The following NMNAT2 variants were observed in gnomAD, a reference collection of about 807,000 sequenced individuals.
NMNAT2 encodes nicotinamide/nicotinic acid mononucleotide adenylyltransferase 2.
NMNAT2 carries 11 observed loss-of-function variants against 41.6 expected under a neutral mutation model. The ratio of observed to expected loss-of-function variants is 0.26; its 90% CI spans 0.17 to 0.44. The LOEUF (loss-of-function observed/expected upper bound fraction) is 0.44, where lower values mean the gene tolerates loss of function less well. NMNAT2 is among the 20% of genes least tolerant of loss of function. The probability of loss-of-function intolerance (pLI) is 1.00; values close to 1 mark genes in which losing one functional copy is unlikely to be tolerated. For synonymous variants in NMNAT2, 148 were observed against 151.2 expected (o/e 0.98, Z 0.16); for missense variants, 288 against 407.7 (o/e 0.71, Z 2.53).
chr1:183,266,107 A>G (rs1016613792), intron 8 of NMNAT2, among the ~76,000 whole-genome samples: 2 of 152,194 alleles, frequency 1.3e-5, no homozygotes, highest in African/African-American at 4.8e-5. Context: ...TGGCCTTGCC[A>G]ACAACTTGGT....
chr1:183,280,287 A>G (rs1369444577), intron 7 of NMNAT2, among the ~76,000 whole-genome samples: 1 of 152,210 alleles, frequency 6.6e-6, no homozygotes, highest in Non-Finnish European at 1.5e-5. Context: ...CTGACTGCCT[A>G]TAAGTTCAGT....
At chr1:183,386,767 T>C (rs1230801263) in intron 1 of NMNAT2, among the ~76,000 whole-genome samples, 3 of 152,112 alleles carry the variant, frequency 2.0e-5, no homozygotes, top group South Asian at 4.1e-4. Flanking sequence ...TATATAGTTA[T>C]GTTGTGGAGC....
chr1:183,323,827 A>G (rs1662405063), intron 1 of NMNAT2, among the ~76,000 whole-genome samples: 1 of 152,240 alleles, frequency 6.6e-6, no homozygotes, highest in Non-Finnish European at 1.5e-5. Flanking sequence ...AGGAAAGAAT[A>G]TCTTAGGATT....
chr1:183,253,688 A>C (rs1485518255), intron 10 of NMNAT2, among the ~76,000 whole-genome samples: 4 of 151,462 alleles, frequency 2.6e-5, no homozygotes, highest in Non-Finnish European at 5.9e-5. Flanking sequence ...GTATCCTTTG[A>C]TCTATATCTC....
chr1:183,346,540 T>C (rs1295715572), intron 1 of NMNAT2, among the ~76,000 whole-genome samples: 1 of 152,186 alleles, frequency 6.6e-6, no homozygotes, highest in African/African-American at 2.4e-5. Flanking sequence ...AAGCTGTTGA[T>C]CTGACCTTCC....
chr1:183,367,888 G>T (rs1280817551), intron 1 of NMNAT2, among the ~76,000 whole-genome samples: 1 of 152,110 alleles, frequency 6.6e-6, no homozygotes, highest in Non-Finnish European at 1.5e-5. Flanking sequence ...GATACCAGAG[G>T]TCTAGAGCAA....
At chr1:183,296,815 C>G (rs1396741542) in intron 1 of NMNAT2, among the ~76,000 whole-genome samples, 1 of 152,072 alleles carries the variant, frequency 6.6e-6, no homozygotes, top group Non-Finnish European at 1.5e-5. Context: ...CACCCAGCCC[C>G]ATATTTGCTT....
chr1:183,345,023 C>T (rs1216703286), intron 1 of NMNAT2, among the ~76,000 whole-genome samples: 1 of 152,200 alleles, frequency 6.6e-6, no homozygotes, highest in Non-Finnish European at 1.5e-5. Flanking sequence ...AACTGCTCTT[C>T]CAAGGACCCC....
intron 8 of NMNAT2, among the ~76,000 whole-genome samples, chr1:183,270,293 C>T (rs1571563132): frequency 1.3e-5 from 2 of 152,222 alleles, no homozygotes; most frequent in South Asian, 2.1e-4. Context: ...CTGTATCACC[C>T]TTAGAGTATT....
chr1:183,333,820 T>C (rs1326533383), intron 1 of NMNAT2, among the ~76,000 whole-genome samples: 1 of 152,226 alleles, frequency 6.6e-6, no homozygotes, highest in Non-Finnish European at 1.5e-5. Flanking sequence ...TCACAGATAA[T>C]CTGCTGCTGG....
At chr1:183,358,982 G>A (rs1457721674) in intron 1 of NMNAT2, among the ~76,000 whole-genome samples, 2 of 152,112 alleles carry the variant, frequency 1.3e-5, no homozygotes, top group African/African-American at 2.4e-5. Context: ...GAGCAGATAC[G>A]CCAACAGAAA....
chr1:183,322,496 T>G (rs1451715722), intron 1 of NMNAT2, among the ~76,000 whole-genome samples: 1 of 152,162 alleles, frequency 6.6e-6, no homozygotes, highest in African/African-American at 2.4e-5. Flanking sequence ...CCCATCCAGC[T>G]GGGCAGATTA....
intron 1 of NMNAT2, among the ~76,000 whole-genome samples, chr1:183,303,412 T>C (rs1661915409): frequency 6.6e-6 from 1 of 152,202 alleles, no homozygotes; most frequent in Non-Finnish European, 1.5e-5. Context: ...ACTGTGTAAG[T>C]TGTTAGGTGA....
intron 1 of NMNAT2, among the ~76,000 whole-genome samples, chr1:183,357,398 T>G (rs1663218587): frequency 6.6e-6 from 1 of 150,694 alleles, no homozygotes; most frequent in South Asian, 2.1e-4. Flanking sequence ...CCCGGCTAAT[T>G]TTTTGTATTT....
At chr1:183,411,992 A>G (rs1191750121) in intron 1 of NMNAT2, among the ~76,000 whole-genome samples, 1 of 152,150 alleles carries the variant, frequency 6.6e-6, no homozygotes, top group Non-Finnish European at 1.5e-5. Flanking sequence ...ATTCAGCACA[A>G]AGACTCTAAG....
At chr1:183,330,552 G>A (rs773170525) in intron 1 of NMNAT2, among the ~76,000 whole-genome samples, 3 of 152,146 alleles carry the variant, frequency 2.0e-5, no homozygotes, top group Non-Finnish European at 4.4e-5. Flanking sequence ...GCCTTCACTA[G>A]GTGAGAACAT....
chr1:183,309,324 T>C (rs998432411), intron 1 of NMNAT2, among the ~76,000 whole-genome samples: 1 of 152,056 alleles, frequency 6.6e-6, no homozygotes, highest in Non-Finnish European at 1.5e-5. Context: ...AGCAGCAGAG[T>C]GATCTGAGTT....
intron 1 of NMNAT2, among the ~76,000 whole-genome samples, chr1:183,336,672 C>G (rs1419701941): frequency 5.9e-5 from 9 of 152,162 alleles, no homozygotes; most frequent in African/African-American, 2.2e-4. Context: ...CAAAGTTAAA[C>G]AAACACCAGA....
At chr1:183,278,516 T>A (rs370083349) in intron 8 of NMNAT2, 37 bp downstream of exon 8, 1 of 1,469,740 alleles carries the variant, frequency 6.8e-7, no homozygotes. Flanking sequence ...TCCCTCCCAG[T>A]CCCAGCTGGG....
Sources: gnomAD v4.1 joint callset for allele counts (sites outside exome capture counted in the v4.1 genomes callset) on GRCh38, gnomAD v4.1.1 for gene constraint, MANE v1.5 for transcripts, NCBI Gene and HGNC (gene_info 2026-07-23, HGNC 2026-07-21) for gene names.